STAG1: variants seen among roughly 807,000 people sequenced by gnomAD.
STAG1 encodes cohesin subunit SA-1.
Under a neutral mutation model 170.9 loss-of-function variants are expected in STAG1, and 26 were observed. The observed-to-expected ratio is 0.15, with a 90% confidence interval of 0.11 to 0.21. The LOEUF is 0.21. Ranked by LOEUF, STAG1 falls within the 10% of genes least tolerant of loss-of-function variation. The pLI, the probability that STAG1 is intolerant of heterozygous loss-of-function variation, is 1.00. For synonymous variants in STAG1, 514 were observed against 497.7 expected, an observed-to-expected ratio of 1.03 and a Z score of -0.44; for missense variants, 964 against 1,509.5, an observed-to-expected ratio of 0.64 and a Z score of 5.99.
intron 16 of STAG1, among the ~76,000 whole-genome samples, chr3:136,432,936 A>G (rs928518507): frequency 1.3e-5 from 2 of 152,136 alleles, no homozygotes; most frequent in African/African-American, 4.8e-5. Context: ...TTTTACCTGA[A>G]GCTCTATCAA....
intron 4 of STAG1, among the ~76,000 whole-genome samples, chr3:136,601,225 AC>A (rs750079903): frequency 4.9e-4 from 74 of 152,302 alleles, no homozygotes; most frequent in Non-Finnish European, 2.6e-4. Context: ...AGTTAAATAA[AC>A]CATGACCCAA....
At chr3:136,657,232 T>C (rs1035683884) in intron 1 of STAG1, among the ~76,000 whole-genome samples, 4 of 137,318 alleles carry the variant, frequency 2.9e-5, no homozygotes, top group African/African-American at 8.0e-5. Context: ...AAAGTTTCAC[T>C]CTTGTCGTCT....
intron 1 of STAG1, among the ~76,000 whole-genome samples, chr3:136,659,997 A>C (rs931647874): frequency 1.3e-5 from 2 of 152,228 alleles, no homozygotes; most frequent in Admixed American, 1.3e-4. Context: ...TGCACAACAA[A>C]GCAAAACCCC....
At chr3:136,723,998 A>C (rs1450758293) in intron 1 of STAG1, among the ~76,000 whole-genome samples, 13 of 138,136 alleles carry the variant, frequency 9.4e-5, no homozygotes, top group East Asian at 2.3e-4. Context: ...AGCCCCCCGC[A>C]CAGCCAGCCG....
At chr3:136,357,605 T>A in intron 28 of STAG1, 115 bp downstream of exon 28, 2 of 780,314 alleles carry the variant, frequency 2.6e-6, no homozygotes, top group Non-Finnish European at 3.9e-6. Flanking sequence ...AAACAAACTA[T>A]CAGAGCCTAA....
intron 3 of STAG1, among the ~76,000 whole-genome samples, chr3:136,606,907 C>A (rs376574654): frequency 5.3e-5 from 8 of 151,898 alleles, no homozygotes; most frequent in African/African-American, 1.9e-4. Flanking sequence ...TGCCACCACC[C>A]CGGCTAACTT....
At chr3:136,587,488 C>G (rs775091326) in intron 4 of STAG1, among the ~76,000 whole-genome samples, 2 of 133,292 alleles carry the variant, frequency 1.5e-5, no homozygotes, top group Non-Finnish European at 3.1e-5. Context: ...TGCAGGGAGC[C>G]GAGATCACAC....
intron 9 of STAG1, among the ~76,000 whole-genome samples, chr3:136,490,386 C>G (rs963076665): frequency 6.6e-6 from 1 of 152,242 alleles, no homozygotes; most frequent in South Asian, 2.1e-4. Context: ...TATTTTTCAT[C>G]TCATTTTTGT....
chr3:136,396,633 T>C (rs964026259), intron 22 of STAG1, among the ~76,000 whole-genome samples: 2 of 144,992 alleles, frequency 1.4e-5, no homozygotes, highest in African/African-American at 2.6e-5. Flanking sequence ...GTTCAAGCGA[T>C]TCTTCTGCCT....
chr3:136,722,866 A>G (rs1456855000), intron 1 of STAG1, among the ~76,000 whole-genome samples: 1 of 151,854 alleles, frequency 6.6e-6, no homozygotes, highest in Non-Finnish European at 1.5e-5. Flanking sequence ...TGGTTTTCGT[A>G]TTTTTTTGGT....
chr3:136,744,693 T>TTTGG (rs1934848409), intron 1 of STAG1, among the ~76,000 whole-genome samples: 1 of 136,740 alleles, frequency 7.3e-6, no homozygotes, highest in Non-Finnish European at 1.6e-5. Context: ...TTTTTTTTTT[T>TTTGG]GAGACAGAGT....
At chr3:136,571,674 C>G (rs1937269453) in intron 4 of STAG1, among the ~76,000 whole-genome samples, 1 of 152,032 alleles carries the variant, frequency 6.6e-6, no homozygotes, top group African/African-American at 2.4e-5. Flanking sequence ...GAGTTCAAGA[C>G]CAGCCTGGGC....
At position 136,561,209 on chromosome 3, in the gene STAG1, T is replaced by C. The variant is rs374875437; in HGVS notation, c.394+7556A>G. 7.9e-4 allele frequency among the ~76,000 whole-genome samples: 120 copies of C among 152,320 alleles called. 4 individuals are homozygous for C. The South Asian group carries it at 0.024, about 30-fold the overall frequency. ...CCTTGTCGTTTGACTTTCCCTATAA[T>C]GTGTCTCCATCTTACAAATTTTTTG... On this transcript the variant is annotated intron_variant, in intron 5 of 33. Coordinates refer to ENST00000383202, the MANE Select transcript of STAG1 (RefSeq NM_005862.3).
chr3:136,586,817 G>A (rs2107786438), intron 4 of STAG1: 1 of 456,586 alleles, frequency 2.2e-6, no homozygotes, highest in Non-Finnish European at 4.4e-6. Flanking sequence ...TATGTGGTAA[G>A]TTCCCATCAA....
chr3:136,427,047 G>A (rs923662688), intron 16 of STAG1, among the ~76,000 whole-genome samples: 11 of 149,000 alleles, frequency 7.4e-5, no homozygotes, highest in African/African-American at 2.2e-4. Flanking sequence ...GCGACAGAGC[G>A]AGACTCGTCT....
At chr3:136,664,814 T>C (rs1941698632) in intron 1 of STAG1, among the ~76,000 whole-genome samples, 1 of 152,202 alleles carries the variant, frequency 6.6e-6, no homozygotes, top group African/African-American at 2.4e-5. Context: ...TTCCAGTTAC[T>C]TAAACAGACC....
chr3:136,504,332 A>C (rs1933646045), intron 7 of STAG1, among the ~76,000 whole-genome samples: 1 of 152,226 alleles, frequency 6.6e-6, no homozygotes, highest in African/African-American at 2.4e-5. Context: ...ATTTATTTAA[A>C]TTAGTGACCA....
intron 6 of STAG1, among the ~76,000 whole-genome samples, chr3:136,530,537 A>T (rs1196974129): frequency 2.0e-5 from 3 of 152,190 alleles, no homozygotes; most frequent in African/African-American, 7.2e-5. Flanking sequence ...GTCTCGTCAA[A>T]TTTTTAAAAA....
chr3:136,575,014 A>G (rs1438994120), intron 4 of STAG1, among the ~76,000 whole-genome samples: 1 of 152,218 alleles, frequency 6.6e-6, no homozygotes, highest in East Asian at 1.9e-4. Flanking sequence ...AAAAATCAGT[A>G]ACAAAAATAT....
Sources: allele counts gnomAD v4.1 joint callset (sites outside exome capture counted in the v4.1 genomes callset), GRCh38; gene constraint gnomAD v4.1.1; transcripts MANE v1.5; gene names NCBI Gene and HGNC (gene_info 2026-07-23, HGNC 2026-07-21).